KIF1A: variants seen among roughly 807,000 people sequenced by gnomAD.
The protein encoded by KIF1A is kinesin-like protein KIF1A.
In KIF1A, 46 loss-of-function variants were observed where a neutral mutation model predicts 227.3. The ratio of observed to expected loss-of-function variants is 0.20; its 90% CI spans 0.16 to 0.26. The LOEUF is 0.26. Ranked by LOEUF, KIF1A falls within the 10% of genes least tolerant of loss-of-function variation. The pLI is 1.00. For synonymous variants in KIF1A, 1,022 were observed against 1,012.8 expected, an observed-to-expected ratio of 1.01 and a Z score of -0.17; for missense variants, 1,683 against 2,485.9, an observed-to-expected ratio of 0.68 and a Z score of 6.87.
chr2:240,720,748 G>A, intron 45 of KIF1A, 166 bp downstream of exon 45: 1 of 737,246 alleles, frequency 1.4e-6, no homozygotes. Flanking sequence ...CCCTCTGAGA[G>A]GGCTGCGGAC....
intron 46 of KIF1A, 97 bp from the exon 47 acceptor site, chr2:240,719,295 G>A (rs2044972279): frequency 1.5e-6 from 2 of 1,338,322 alleles, no homozygotes; most frequent in South Asian, 3.0e-5. Context: ...ACGCAGCAGT[G>A]CCAACCACCT....
At chr2:240,774,340 T>C (rs2052445470) in intron 11 of KIF1A, 79 bp from the exon 12 acceptor site, 7 of 892,918 alleles carry the variant, frequency 7.8e-6, no homozygotes, top group Middle Eastern at 2.3e-4. Context: ...TCCCCCCACA[T>C]TTACAGATGG....
rs201242759 is a variant in KIF1A at position 240,771,091 on chromosome 2, C to T, written c.1221G>A (p.Leu407=). The T allele has an allele frequency of 2.7e-4, 439 of 1,613,458 alleles. No individual in the cohort carries two copies. Among genetic ancestry groups the T allele is most frequent in the Non-Finnish European group, 3.5e-4 (414 of 1,179,812 alleles). ...GCGAGGATGAGGGGCTCATACCCACCAGGGCATTGGTCACTGTGGAGAGAG... is the reference window on the plus strand; with the variant it reads ...GCGAGGATGAGGGGCTCATACCCACTAGGGCATTGGTCACTGTGGAGAGAG... The part of the protein sequence containing the change: ...VPGGPKLTNA[L]VGMSPSSSLS... Residue 407 remains leucine, a synonymous_variant, in exon 15 of 49, where the codon CTG becomes CTA. Transcript: ENST00000498729.
chr2:240,789,152 G>T lies in KIF1A; in HGVS notation c.183+84C>A. On this transcript the variant is annotated intron_variant, in intron 3 of 48. Coordinates refer to ENST00000498729, the MANE Select transcript of KIF1A (RefSeq NM_001244008.2). This position sits in a 1 kb window ranked among gnomAD's most constrained non-coding sequence, Gnocchi z 4.8. ...CGCCCCAGTTAGAGAGGAATGAGCGGCTCAGAGAAGTTGAGGGACCCCGAG... is the reference window on the plus strand; with the variant it reads ...CGCCCCAGTTAGAGAGGAATGAGCGTCTCAGAGAAGTTGAGGGACCCCGAG... The T allele has an allele frequency of 9.0e-7, 1 of 1,105,220 alleles. No homozygotes were observed. The highest frequency in any genetic ancestry group is 1.4e-6 in the Non-Finnish European group (1 of 726,098). The allele number at this position is 1,105,220 out of a possible 1,614,324, so 68.5% of individuals were successfully genotyped here. A position where few individuals can be genotyped will look rare whatever the true frequency, so the allele number is the denominator to read the frequency against.
At chr2:240,761,422 C>T (rs776105891) in intron 23 of KIF1A, 45 bp from the exon 24 acceptor site, 6 of 1,514,554 alleles carry the variant, frequency 4.0e-6, no homozygotes, top group East Asian at 2.4e-5. Context: ...AGGCCATGAC[C>T]CTGCCCACCA....
Position 240,757,295 on chromosome 2 carries a change from C to T in KIF1A, c.2858+24G>A. On this transcript the variant is annotated intron_variant, in intron 27 of 48. Coordinates refer to ENST00000498729, the MANE Select transcript of KIF1A (RefSeq NM_001244008.2). The surrounding 1 kb of genome is among the most constrained non-coding windows in gnomAD (Gnocchi z 6.2). ...TGCAAAAGAGCTGGGTCCTCCCCAG[C>T]ATGCTCTCCTCGACCTCACCAACCT... 2 of 1,546,652 alleles carry T rather than the reference C, an allele frequency of 1.3e-6. No individual in the cohort carries two copies. The highest frequency in any genetic ancestry group is 1.7e-6 in the Non-Finnish European group (2 of 1,143,874).
At chr2:240,751,929 G>A (rs893990626) in intron 27 of KIF1A, among the ~76,000 whole-genome samples, 80 of 152,212 alleles carry the variant, frequency 5.3e-4, no homozygotes, top group African/African-American at 1.7e-3. Context: ...CCCCTTGGCC[G>A]TCTCGTTCAT....
chr2:240,749,957 G>A (rs140330093), intron 28 of KIF1A, among the ~76,000 whole-genome samples: 6 of 152,314 alleles, frequency 3.9e-5, no homozygotes, highest in East Asian at 1.9e-4. Flanking sequence ...GGCCTCACAC[G>A]CCTTTCCTGG....
At chr2:240,765,837 C>T in intron 19 of KIF1A, 44 bp from the exon 20 acceptor site, 2 of 1,456,368 alleles carry the variant, frequency 1.4e-6, no homozygotes, top group Non-Finnish European at 1.9e-6. Flanking sequence ...CTATGAGGGG[C>T]TGTCACCTAC....
chr2:240,724,286 C>A, intron 40 of KIF1A: 1 of 541,534 alleles, frequency 1.8e-6, no homozygotes. Flanking sequence ...GGCCAGGCCC[C>A]CACAGCAGCC....
At chr2:240,795,520 T>C (rs907677186) in intron 2 of KIF1A, among the ~76,000 whole-genome samples, 1 of 152,230 alleles carries the variant, frequency 6.6e-6, no homozygotes, top group Non-Finnish European at 1.5e-5. Flanking sequence ...GTCTCTGAAC[T>C]GGCAGCTCTC....
At chr2:240,718,416 C>A (rs183363824) in intron 47 of KIF1A, among the ~76,000 whole-genome samples, 327 of 152,348 alleles carry the variant, frequency 2.1e-3, no homozygotes, top group Non-Finnish European at 2.3e-3. Context: ...CGTGACTGCC[C>A]CTCATGGCCC....
intron 38 of KIF1A, 139 bp from the exon 39 acceptor site, chr2:240,727,079 G>A: frequency 1.8e-6 from 1 of 566,654 alleles, no homozygotes; most frequent in Admixed American, 3.0e-5. Flanking sequence ...GGAAGCCCGG[G>A]CGGCGGTGCC....
chr2:240,742,925 C>CT lies in KIF1A; in HGVS notation c.3640+3dup, dbSNP rs1414754009. The CT allele has an allele frequency of 3.7e-6, 6 of 1,610,808 alleles. No homozygotes were observed. In the African/African-American group the frequency reaches 8.0e-5, roughly 22 times the overall value. On this transcript the variant is annotated splice_donor_region_variant and intron_variant, in intron 34 of 48. Coordinates refer to ENST00000498729, the MANE Select transcript of KIF1A (RefSeq NM_001244008.2). ...CCTGAGACGGCTCCAGAGACCCTTC[C>CT]TACCTGGCTTGGACAGTGGCATGAC...
At position 240,740,332 on chromosome 2, in the gene KIF1A, C is replaced by A. The variant is rs1159799022; in HGVS notation, c.3782G>T (p.Gly1261Val). ...GAGGAAGGTCCCCATGCATGGCATG[C>A]CCCCACGGTGGTCCACCACGGCCGG... Reference protein sequence around the residue: ...YIPAVVDHRGGMPCMGTFLLH... With the variant: ...YIPAVVDHRGVMPCMGTFLLH... Residue 1261 changes from glycine to valine, a missense_variant, in exon 36 of 49, where the codon GGC becomes GTC. Coordinates refer to ENST00000498729, the MANE Select transcript of KIF1A (RefSeq NM_001244008.2). The surrounding 1 kb of genome is among the most constrained non-coding windows in gnomAD (Gnocchi z 6.1). 3.7e-6 allele frequency: 6 copies of A among 1,613,534 alleles called. No individual in the cohort carries two copies. The East Asian group carries it at 1.3e-4, about 36-fold the overall frequency.
At chr2:240,776,065 T>G in intron 10 of KIF1A, 139 bp from the exon 11 acceptor site, 1 of 670,994 alleles carries the variant, frequency 1.5e-6, no homozygotes, top group Non-Finnish European at 2.7e-6. Flanking sequence ...GCTGGACACA[T>G]TCTCAGGCTG....
intron 1 of KIF1A, among the ~76,000 whole-genome samples, chr2:240,808,885 C>A (rs2057647909): frequency 6.6e-6 from 1 of 152,192 alleles, no homozygotes; most frequent in South Asian, 2.1e-4. Context: ...CGCCCACCAC[C>A]ACGCCCGGCT....
chr2:240,717,909 C>T, intron 48 of KIF1A, 141 bp downstream of exon 48: 2 of 688,976 alleles, frequency 2.9e-6, no homozygotes, highest in South Asian at 1.6e-5. Context: ...ACTGAATGGT[C>T]CCCGCCAGGA....
chr2:240,760,901 C>T lies in KIF1A; in HGVS notation c.2266-58G>A, dbSNP rs57057191. ...CCTTGGGGGACAGGGTGCCAGGTCC[C>T]CAAAAAGGCTTCCTTCCCACCTTCT... On this transcript the variant is annotated intron_variant, in intron 24 of 48. Transcript: ENST00000498729. The T allele has an allele frequency of 0.052, 77,685 of 1,499,496 alleles. 2,125 individuals carry two copies. Among genetic ancestry groups the T allele is most frequent in the African/African-American group, 0.068 (4,783 of 70,792 alleles). The allele number at this position is 1,499,496 out of a possible 1,614,324, so 92.9% of individuals were successfully genotyped here. A position where few individuals can be genotyped will look rare whatever the true frequency, so the allele number is the denominator to read the frequency against.
Sources: gnomAD v4.1 joint callset for allele counts (sites outside exome capture counted in the v4.1 genomes callset) on GRCh38, gnomAD v4.1.1 for gene constraint, Gnocchi (gnomAD v3.1) non-coding constraint, MANE v1.5 for transcripts, NCBI Gene and HGNC (gene_info 2026-07-23, HGNC 2026-07-21) for gene names.